RNF168: variants seen among roughly 807,000 people sequenced by gnomAD.
RNF168 encodes ring finger protein 168, also known as E3 ubiquitin-protein ligase RNF168.
Under a neutral mutation model 34.9 loss-of-function variants are expected in RNF168, and 34 were observed. That is an observed-to-expected ratio of 0.97 (90% CI 0.74 to 1.30). The LOEUF (loss-of-function observed/expected upper bound fraction) is 1.30, where lower values mean the gene tolerates loss of function less well. RNF168 is among the 50% of genes most tolerant of loss of function. The probability of loss-of-function intolerance (pLI) is 0.00; values close to 1 mark genes in which losing one functional copy is unlikely to be tolerated. For synonymous variants in RNF168, 264 were observed against 254.7 expected (o/e 1.04, Z -0.35); for missense variants, 725 against 682.5 (o/e 1.06, Z -0.69).
chr3:196,499,171 T>TAA (rs141938912), intron 1 of RNF168, among the ~76,000 whole-genome samples: 1 of 145,942 alleles, frequency 6.9e-6, no homozygotes, highest in African/African-American at 2.5e-5. Context: ...AGTGTCCTGG[T>TAA]AAAAAAAAAA....
At position 196,471,545 on chromosome 3, in the gene RNF168, C is replaced by G. The variant is rs9869734; in HGVS notation, c.*274G>C. 1.5e-3 allele frequency: 558 copies of G among 374,420 alleles called. 3 individuals are homozygous for G. Among genetic ancestry groups the G allele is most frequent in the African/African-American group, 0.011 (516 of 49,082 alleles). 23.2% of individuals were successfully genotyped at this position (374,420 alleles called of 1,614,324 possible). ...AAAGACAATGGCACTTGAAGATTTC[C>G]TGGAGTTGGCCAAAGCTTAAGATAT... On this transcript the variant is annotated 3_prime_UTR_variant, in exon 6 of 6. Coordinates refer to ENST00000318037, the MANE Select transcript of RNF168 (RefSeq NM_152617.4).
At chr3:196,473,878 C>T (rs1415203550) in intron 5 of RNF168, among the ~76,000 whole-genome samples, 5 of 151,920 alleles carry the variant, frequency 3.3e-5, no homozygotes, top group Non-Finnish European at 7.4e-5. Context: ...AAGCTTGGGA[C>T]TTCTATAAGT....
At chr3:196,479,097 AC>A (rs1732224410) in intron 4 of RNF168, among the ~76,000 whole-genome samples, 1 of 144,978 alleles carries the variant, frequency 6.9e-6, no homozygotes, top group Non-Finnish European at 1.5e-5. Flanking sequence ...TGCAACCTCC[AC>A]CTCCTGAGTT....
rs977691192 is a variant in RNF168, at chr3:196,470,100, A to G, written c.*1719T>C. ...CCCATCCAGCCTCATCCTCATCTGG[A>G]CCCATTTCTCACCACCCAATCAGTT... On this transcript the variant is annotated 3_prime_UTR_variant, in exon 6 of 6. Coordinates refer to ENST00000318037, the MANE Select transcript of RNF168 (RefSeq NM_152617.4). 3 of 148,716 alleles carry G rather than the reference A, an allele frequency of 2.0e-5. No homozygotes were observed. The highest frequency in any genetic ancestry group is 4.5e-5 in the Non-Finnish European group (3 of 67,242). The allele number at this position is 148,716 out of a possible 1,614,324, so 9.2% of individuals were successfully genotyped here.
Position 196,471,988 on chromosome 3 carries a change from T to C in RNF168, c.1547A>G (p.Asp516Gly). The C allele has an allele frequency of 6.2e-7, 1 of 1,614,228 alleles. No individual in the cohort carries two copies. Among genetic ancestry groups the C allele is most frequent in the South Asian group, 1.1e-5 (1 of 91,090 alleles). The part of the protein sequence containing the change: ...KHPTPERGSR[D>G]KNRQVSLKMQ... ...CTTTAAAGACACTTGCCTATTTTTGTCCCTTGAGCCTCTCTCTGGTGTTGG... is the reference window on the plus strand; with the variant it reads ...CTTTAAAGACACTTGCCTATTTTTGCCCCTTGAGCCTCTCTCTGGTGTTGG... Residue 516 changes from aspartate to glycine, a missense_variant, in exon 6 of 6, where the codon GAC becomes GGC. By Grantham distance (94) the Asp-to-Gly change is moderately conservative. Transcript: ENST00000318037.
At chr3:196,485,126 TA>T (rs150308994) in intron 3 of RNF168, among the ~76,000 whole-genome samples, 1,612 of 152,326 alleles carry the variant, frequency 0.011, 29 homozygotes, top group African/African-American at 0.037. Context: ...ACCAGTCTCG[TA>T]AGTTTCTTAC....
Position 196,483,211 on chromosome 3 carries a change from A to C in RNF168, c.680+559T>G, listed in dbSNP as rs757918720. ...TTGGAAGGAGATGAGTTACCTGCAC[A>C]TATTTCCTCAGTTGAACCAGAAGTC... On this transcript the variant is annotated intron_variant, in intron 4 of 5. Transcript: ENST00000318037. 2.6e-5 allele frequency among the ~76,000 whole-genome samples: 4 copies of C among 152,212 alleles called. 1 individual carries two copies. The highest frequency in any genetic ancestry group is 6.8e-3 in the Middle Eastern group (2 of 294).
Position 196,503,052 on chromosome 3 carries a change from T to C in RNF168, c.122A>G (p.Gln41Arg), listed in dbSNP as rs1732942273. ...TAAACTCGCCTTTTCGACGGTCGAC[T>C]GGAAGCACGGTTTACACAGCGTGTG... ...CNHTLCKPCF[Q>R]STVEKASLCC... Residue 41 changes from glutamine (Q) to arginine (R), a missense_variant, in exon 1 of 6, where the codon CAG becomes CGG. Gln to Arg is a conservative substitution (Grantham distance 43). Transcript: ENST00000318037. The C allele has an allele frequency of 1.9e-6, 3 of 1,614,112 alleles. No homozygotes were observed. Among genetic ancestry groups the C allele is most frequent in the African/African-American group, 1.3e-5 (1 of 75,008 alleles).
At chr3:196,497,723 C>T (rs936296813) in intron 1 of RNF168, among the ~76,000 whole-genome samples, 2 of 151,568 alleles carry the variant, frequency 1.3e-5, no homozygotes, top group Non-Finnish European at 2.9e-5. Flanking sequence ...AATATCTTAG[C>T]CTGAAGGTAG....
chr3:196,481,216 T>C (rs1432119591), intron 4 of RNF168, among the ~76,000 whole-genome samples: 1 of 152,172 alleles, frequency 6.6e-6, no homozygotes, highest in Non-Finnish European at 1.5e-5. Flanking sequence ...CAGACTAAAC[T>C]CTCCAGCATG....
intron 1 of RNF168, among the ~76,000 whole-genome samples, chr3:196,498,861 G>A (rs929364062): frequency 9.2e-5 from 14 of 152,006 alleles, no homozygotes; most frequent in African/African-American, 3.1e-4. Flanking sequence ...CAGGCATGGT[G>A]GTGCGTGCCT....
chr3:196,474,537 T>G (rs186344024), intron 5 of RNF168, among the ~76,000 whole-genome samples: 404 of 149,490 alleles, frequency 2.7e-3, no homozygotes, highest in African/African-American at 9.3e-3. Context: ...AACCTCTACC[T>G]CCCGGGTTCA....
rs1731972079 is a variant in RNF168, at chr3:196,470,480, A to C, written c.*1339T>G. ...TCATCCTCATCTGGACCCGTTTCTG[A>C]CCAACCACCCAATCAGTTTCAATGA... On this transcript the variant is annotated 3_prime_UTR_variant, in exon 6 of 6. Coordinates refer to ENST00000318037, the MANE Select transcript of RNF168 (RefSeq NM_152617.4). The C allele has an allele frequency of 8.2e-6, 1 of 121,964 alleles. No individual in the cohort carries two copies. The highest frequency in any genetic ancestry group is 9.1e-5 in the Admixed American group (1 of 10,986). 7.6% of individuals were successfully genotyped at this position (121,964 alleles called of 1,614,324 possible).
chr3:196,492,440 G>T (rs1732618819), intron 1 of RNF168, among the ~76,000 whole-genome samples: 1 of 152,102 alleles, frequency 6.6e-6, no homozygotes, highest in Admixed American at 6.5e-5. Context: ...AACTAAGCAT[G>T]TGTGGTACTG....
intron 4 of RNF168, among the ~76,000 whole-genome samples, chr3:196,475,552 CTTTTT>C (rs771089639): frequency 4.5e-5 from 6 of 133,452 alleles, no homozygotes; most frequent in Admixed American, 1.5e-4. Flanking sequence ...AATATTTTTT[CTTTTT>C]TTTTTTTTTT....
At position 196,472,038 on chromosome 3, in the gene RNF168, G is replaced by C; in HGVS notation, c.1497C>G (p.Phe499Leu). 1 of 1,613,934 alleles carries C rather than the reference G, an allele frequency of 6.2e-7. No homozygotes were observed. Among genetic ancestry groups the C allele is most frequent in the Non-Finnish European group, 8.5e-7 (1 of 1,179,908 alleles). The change falls in exon 6 of 6, where the codon TTC (phenylalanine) becomes TTG (leucine). Residue 499 changes from phenylalanine (F) to leucine (L), a missense_variant. Physicochemically the swap from Phe to Leu is conservative, Grantham distance 22 (BLOSUM62 0). Transcript: ENST00000318037. Reference sequence around the variant, plus strand: ...GATGCTTTGTGTGAGTTTGCCTTTTGAAGTTCCCATCTTTGGGATTCTTCC... The same window carrying C: ...GATGCTTTGTGTGAGTTTGCCTTTTCAAGTTCCCATCTTTGGGATTCTTCC... ...GQRKNPKDGN[F>L]KRQTHTKHPT... is the part of the protein sequence containing the mutation.
intron 4 of RNF168, among the ~76,000 whole-genome samples, chr3:196,477,780 T>C (rs1732183481): frequency 6.6e-6 from 1 of 152,214 alleles, no homozygotes; most frequent in African/African-American, 2.4e-5. Flanking sequence ...TATGAATACA[T>C]GCTCATTCTG....
At chr3:196,483,138 T>G (rs1732337898) in intron 4 of RNF168, among the ~76,000 whole-genome samples, 1 of 152,024 alleles carries the variant, frequency 6.6e-6, no homozygotes, top group South Asian at 2.1e-4. Context: ...TTTAACATTC[T>G]CTTCTCCTAA....
Position 196,502,926 on chromosome 3 carries a change from T to A in RNF168, c.248A>T (p.His83Leu). 1 of 1,614,094 alleles carries A rather than the reference T, an allele frequency of 6.2e-7. No homozygotes were observed. Among genetic ancestry groups the A allele is most frequent in the Non-Finnish European group, 8.5e-7 (1 of 1,179,968 alleles). Residue 83 changes from histidine (H) to leucine (L), a missense_variant, in exon 1 of 6, where the codon CAC becomes CTC. His to Leu is a moderately conservative substitution (Grantham distance 99, BLOSUM62 -3). Coordinates refer to ENST00000318037, the MANE Select transcript of RNF168 (RefSeq NM_152617.4). ...TCTAAGCTTGCACTCCCTGGGATAGTGTTTTTGAATTATCGTCCACAGTTC... is the reference window on the plus strand; with the variant it reads ...TCTAAGCTTGCACTCCCTGGGATAGAGTTTTTGAATTATCGTCCACAGTTC... ...NVELWTIIQK[H>L]YPRECKLRAS...
Sources: gnomAD v4.1 joint callset for allele counts (sites outside exome capture counted in the v4.1 genomes callset) on GRCh38, gnomAD v4.1.1 for gene constraint, MANE v1.5 for transcripts, NCBI Gene and HGNC (gene_info 2026-07-23, HGNC 2026-07-21) for gene names.